Variants in FHIT observed in about 807,000 individuals in gnomAD.
FHIT encodes the protein bis(5'-adenosyl)-triphosphatase.
FHIT carries 19 observed loss-of-function variants against 17.9 expected under a neutral mutation model. The ratio of observed to expected loss-of-function variants is 1.06; its 90% CI spans 0.74 to 1.56. FHIT has a LOEUF of 1.56. Among genes scored for constraint, FHIT ranks in the 40% most tolerant of loss-of-function variants. The pLI is 0.00. For synonymous variants in FHIT, 81 were observed against 69.7 expected (o/e 1.16, Z -0.81); for missense variants, 248 against 189.2 (o/e 1.31, Z -1.82).
At chr3:60,894,683 A>C (rs541670950) in intron 3 of FHIT, among the ~76,000 whole-genome samples, 65 of 152,244 alleles carry the variant, frequency 4.3e-4, no homozygotes, top group South Asian at 2.1e-3. Flanking sequence ...AAAACAAAAA[A>C]AAACAAACAA....
intron 5 of FHIT, among the ~76,000 whole-genome samples, chr3:60,245,306 C>G (rs1314567359): frequency 1.3e-5 from 2 of 152,008 alleles, no homozygotes; most frequent in Non-Finnish European, 2.9e-5. Flanking sequence ...TACATATTGT[C>G]AACCATCAAT....
At chr3:61,045,864 C>T (rs1175374618) in intron 2 of FHIT, among the ~76,000 whole-genome samples, 1 of 152,122 alleles carries the variant, frequency 6.6e-6, no homozygotes, top group Non-Finnish European at 1.5e-5. Flanking sequence ...TACATGGAAA[C>T]TGAACAACCT....
intron 5 of FHIT, among the ~76,000 whole-genome samples, chr3:60,437,797 C>G (rs1559912460): frequency 6.6e-6 from 1 of 151,998 alleles, no homozygotes; most frequent in Non-Finnish European, 1.5e-5. Context: ...GAAATCCAGA[C>G]CTATATTCTA....
chr3:60,208,235 A>G (rs28459515), intron 5 of FHIT, among the ~76,000 whole-genome samples: 10,528 of 152,274 alleles, frequency 0.069, 454 homozygotes, highest in Middle Eastern at 0.15. Flanking sequence ...GCCACAGGCA[A>G]CACTTTAACC....
At chr3:60,902,127 T>G (rs1706146009) in intron 3 of FHIT, among the ~76,000 whole-genome samples, 1 of 152,206 alleles carries the variant, frequency 6.6e-6, no homozygotes, top group South Asian at 2.1e-4. Context: ...ACAGAACATT[T>G]CTATCATCCC....
chr3:59,940,032 GA>G (rs1706435735), intron 7 of FHIT, among the ~76,000 whole-genome samples: 1 of 152,168 alleles, frequency 6.6e-6, no homozygotes, highest in Admixed American at 6.5e-5. Context: ...TCTGCAGCTT[GA>G]CAGCCTGGGC....
chr3:60,045,974 T>C (rs773755911), intron 5 of FHIT, among the ~76,000 whole-genome samples: 2 of 152,228 alleles, frequency 1.3e-5, no homozygotes, highest in Non-Finnish European at 2.9e-5. Flanking sequence ...CAGCCAACTC[T>C]AATTTTTGGT....
chr3:61,155,879 T>A (rs1172343335), intron 2 of FHIT, among the ~76,000 whole-genome samples: 1 of 152,150 alleles, frequency 6.6e-6, no homozygotes, highest in Non-Finnish European at 1.5e-5. Flanking sequence ...CCAGAACTGA[T>A]AAGAGTGGCT....
intron 4 of FHIT, among the ~76,000 whole-genome samples, chr3:60,636,609 A>G (rs1230431790): frequency 2.6e-5 from 4 of 152,140 alleles, no homozygotes; most frequent in Non-Finnish European, 2.9e-5. Flanking sequence ...TCTTTTTCCA[A>G]TTAAGAGGCT....
At chr3:60,447,434 T>C (rs2031416485) in intron 5 of FHIT, among the ~76,000 whole-genome samples, 1 of 152,196 alleles carries the variant, frequency 6.6e-6, no homozygotes, top group Non-Finnish European at 1.5e-5. Context: ...TAGCTTCAAA[T>C]ATGATAATAC....
chr3:59,964,575 T>C (rs781049539), intron 7 of FHIT, among the ~76,000 whole-genome samples: 2 of 152,150 alleles, frequency 1.3e-5, no homozygotes, highest in African/African-American at 2.4e-5. Flanking sequence ...CTTATGATTA[T>C]GTGGAAATTA....
chr3:59,873,014 C>T (rs1197978053), intron 8 of FHIT, among the ~76,000 whole-genome samples: 1 of 152,214 alleles, frequency 6.6e-6, no homozygotes, highest in African/African-American at 2.4e-5. Context: ...TCCTTCACAG[C>T]CTGAACTGAG....
chr3:60,710,250 C>T (rs1272137425), intron 4 of FHIT, among the ~76,000 whole-genome samples: 1 of 152,106 alleles, frequency 6.6e-6, no homozygotes, highest in Non-Finnish European at 1.5e-5. Flanking sequence ...TTGATTCATG[C>T]TATGGTGCCA....
intron 5 of FHIT, among the ~76,000 whole-genome samples, chr3:60,479,581 A>G (rs1434698676): frequency 6.6e-6 from 1 of 152,202 alleles, no homozygotes; most frequent in African/African-American, 2.4e-5. Context: ...AGTATTGCAT[A>G]TTAGGTACAG....
chr3:60,529,446 C>G (rs1300133864), intron 5 of FHIT, among the ~76,000 whole-genome samples: 2 of 152,170 alleles, frequency 1.3e-5, no homozygotes. Context: ...TACTGATGTT[C>G]AAACAAACCT....
intron 8 of FHIT, among the ~76,000 whole-genome samples, chr3:59,844,707 G>A (rs983649817): frequency 6.6e-6 from 1 of 152,078 alleles, no homozygotes; most frequent in African/African-American, 2.4e-5. Flanking sequence ...TAATATACCG[G>A]TGAGTTTGGT....
chr3:59,869,971 T>C (rs1702845839), intron 8 of FHIT, among the ~76,000 whole-genome samples: 1 of 152,188 alleles, frequency 6.6e-6, no homozygotes. Flanking sequence ...CTGCTACTTA[T>C]TGAGTGCTGA....
At chr3:60,925,111 T>C (rs1333732219) in intron 3 of FHIT, among the ~76,000 whole-genome samples, 2 of 152,144 alleles carry the variant, frequency 1.3e-5, no homozygotes, top group Non-Finnish European at 2.9e-5. Context: ...ACAGGGAGAA[T>C]GGAACCAACT....
At chr3:60,545,749 G>C (rs1276769465) in intron 4 of FHIT, among the ~76,000 whole-genome samples, 2 of 152,168 alleles carry the variant, frequency 1.3e-5, no homozygotes, top group East Asian at 3.8e-4. Context: ...GAGGCTTCCT[G>C]ACTCATTGAA....
Sources: allele counts gnomAD v4.1 joint callset (sites outside exome capture counted in the v4.1 genomes callset), GRCh38; gene constraint gnomAD v4.1.1; transcripts MANE v1.5; gene names NCBI Gene and HGNC (gene_info 2026-07-23, HGNC 2026-07-21).